Variants in OPHN1 observed in about 807,000 individuals in gnomAD.
OPHN1 encodes the protein oligophrenin-1.
Under a neutral mutation model 60.7 loss-of-function variants are expected in OPHN1, and 11 were observed. That is an observed-to-expected ratio of 0.18 (90% CI 0.11 to 0.30). The LOEUF is 0.30. Ranked by LOEUF, OPHN1 falls within the 10% of genes least tolerant of loss-of-function variation. The pLI is 1.00. For missense variants in OPHN1, 449 were observed against 611.0 expected (o/e 0.73, Z 2.80); for synonymous variants, 226 against 222.6 (o/e 1.02, Z -0.14).
At chrX:68,139,535 T>C (rs1426128469) in intron 15 of OPHN1, among the ~76,000 whole-genome samples, 1 of 111,782 alleles carries the variant, frequency 8.9e-6, no homozygotes, top group Non-Finnish European at 1.9e-5. Context: ...ATTTTTGATT[T>C]TACATAATAA....
chrX:68,302,240 A>G (rs1322106060), intron 2 of OPHN1, among the ~76,000 whole-genome samples: 1 of 112,244 alleles, frequency 8.9e-6, no homozygotes, highest in Non-Finnish European at 1.9e-5. Flanking sequence ...TCTCCAATGC[A>G]TGGGTTACAT....
At chrX:68,112,241 CAGAAAAAGAGAAA>C in intron 17 of OPHN1, 1 of 216,104 alleles carries the variant, frequency 4.6e-6, no homozygotes. Flanking sequence ...AGAAAAAAGG[CAGAAAAAGAGAAA>C]AAAAACACAC....
chrX:68,277,590 G>A (rs2077997990), intron 4 of OPHN1, among the ~76,000 whole-genome samples: 1 of 111,765 alleles, frequency 8.9e-6, no homozygotes, highest in Non-Finnish European at 1.9e-5. Flanking sequence ...AGGGGTTCGA[G>A]ACCAGCCTGG....
chrX:68,155,189 C>T (rs1393252851), intron 15 of OPHN1, among the ~76,000 whole-genome samples: 4 of 111,975 alleles, frequency 3.6e-5, no homozygotes, highest in African/African-American at 1.3e-4. Context: ...CATAAAGGCA[C>T]AGATCACTAC....
chrX:68,237,048 C>T (rs144119371), intron 5 of OPHN1, among the ~76,000 whole-genome samples: 3,163 of 111,903 alleles, frequency 0.028, 111 homozygotes, highest in African/African-American at 0.097. Flanking sequence ...TGCAGCAGTG[C>T]GATCTCGGCT....
intron 15 of OPHN1, among the ~76,000 whole-genome samples, chrX:68,171,337 A>G (rs2077390186): frequency 8.9e-6 from 1 of 112,210 alleles, no homozygotes; most frequent in Non-Finnish European, 1.9e-5. Flanking sequence ...AGAAAGAAAG[A>G]GAAAATGAAA....
chrX:68,383,581 A>T (rs760276376), intron 2 of OPHN1, among the ~76,000 whole-genome samples: 3 of 89,824 alleles, frequency 3.3e-5, no homozygotes, highest in African/African-American at 1.3e-4. Context: ...CTTGGGTGAC[A>T]GCGAGTCTCC....
intron 2 of OPHN1, among the ~76,000 whole-genome samples, chrX:68,342,990 AG>A (rs1186279322): frequency 1.8e-5 from 2 of 110,735 alleles, no homozygotes; most frequent in Non-Finnish European, 3.8e-5. Context: ...GAAGAAGAAA[AG>A]TCTGGGTGCA....
chrX:68,407,629 T>C (rs1301586912), intron 2 of OPHN1, among the ~76,000 whole-genome samples: 2 of 112,120 alleles, frequency 1.8e-5, no homozygotes, highest in Non-Finnish European at 3.8e-5. Flanking sequence ...ATTTATAGCA[T>C]GGTAACATAT....
chrX:68,215,304 T>C (rs2077603263), intron 6 of OPHN1, among the ~76,000 whole-genome samples: 1 of 110,652 alleles, frequency 9.0e-6, no homozygotes, highest in African/African-American at 3.3e-5. Context: ...ATGACAAACA[T>C]GGAGTAGAAT....
chrX:68,207,537 G>T, intron 9 of OPHN1, among the ~76,000 whole-genome samples: 1 of 110,341 alleles, frequency 9.1e-6, no homozygotes, highest in East Asian at 2.8e-4. Context: ...TTTCCCTATT[G>T]TCCCCATCTC....
chrX:68,171,758 G>C (rs920960552), intron 15 of OPHN1, among the ~76,000 whole-genome samples: 2 of 109,870 alleles, frequency 1.8e-5, no homozygotes, highest in African/African-American at 6.6e-5. Flanking sequence ...AAAAAGAAAA[G>C]AAAAAACAGA....
At chrX:68,161,618 C>T in intron 15 of OPHN1, among the ~76,000 whole-genome samples, 1 of 110,787 alleles carries the variant, frequency 9.0e-6, no homozygotes, top group East Asian at 2.8e-4. Context: ...ACAATCTTTA[C>T]ACTGATGGTA....
intron 2 of OPHN1, among the ~76,000 whole-genome samples, chrX:68,332,506 C>T (rs7879567): frequency 0.068 from 7,586 of 111,679 alleles, 644 homozygotes; most frequent in African/African-American, 0.24. Context: ...TGGCCACAGC[C>T]GAGGGAAAGG....
intron 2 of OPHN1, among the ~76,000 whole-genome samples, chrX:68,349,129 T>C (rs188520119): frequency 9.0e-6 from 1 of 110,734 alleles, no homozygotes; most frequent in East Asian, 2.8e-4. Flanking sequence ...ACCTACAGAA[T>C]GGGAGACAAA....
At chrX:68,091,996 A>G (rs1315527046) in intron 19 of OPHN1, among the ~76,000 whole-genome samples, 1 of 111,337 alleles carries the variant, frequency 9.0e-6, no homozygotes, top group East Asian at 2.8e-4. Context: ...CAAGTTGTTA[A>G]AAAAAAATTT....
intron 14 of OPHN1, 76 bp from the exon 15 acceptor site, chrX:68,193,069 A>G: frequency 1.3e-6 from 1 of 764,291 alleles, no homozygotes; most frequent in South Asian, 2.1e-5. Context: ...ACTAGGGTCA[A>G]TTCAGATAGG....
chrX:68,093,460 C>T (rs1402257555), intron 19 of OPHN1, among the ~76,000 whole-genome samples: 8 of 111,228 alleles, frequency 7.2e-5, no homozygotes, highest in Admixed American at 2.9e-4. Context: ...ATGATGGATC[C>T]GATAGAAGTG....
chrX:68,204,438 C>A (rs768929676), intron 10 of OPHN1, among the ~76,000 whole-genome samples: 10 of 111,838 alleles, frequency 8.9e-5, no homozygotes, highest in Non-Finnish European at 1.9e-4. Flanking sequence ...AAATGAGGAG[C>A]ATGAATATGA....
Sources: allele counts gnomAD v4.1 joint callset (sites outside exome capture counted in the v4.1 genomes callset), GRCh38; gene constraint gnomAD v4.1.1; transcripts MANE v1.5; gene names NCBI Gene and HGNC (gene_info 2026-07-23, HGNC 2026-07-21).